The following PIGK variants were observed in gnomAD, a reference collection of about 807,000 sequenced individuals.
PIGK encodes GPI-anchor transamidase.
In PIGK, 42 loss-of-function variants were observed where a neutral mutation model predicts 50.6. That is an observed-to-expected ratio of 0.83 (90% CI 0.65 to 1.07). The LOEUF is 1.07. PIGK is among the 50% of genes least tolerant of loss of function. The pLI is 0.00. For synonymous variants in PIGK, 151 were observed against 156.0 expected (o/e 0.97, Z 0.24); for missense variants, 448 against 488.7 (o/e 0.92, Z 0.78).
chr1:77,188,211 G>C (rs945101794), intron 3 of PIGK, among the ~76,000 whole-genome samples: 1 of 152,160 alleles, frequency 6.6e-6, no homozygotes, highest in African/African-American at 2.4e-5. Flanking sequence ...GGGCAGAACA[G>C]AGCCATATTT....
chr1:77,157,196 A>T (rs1172740141), intron 8 of PIGK, among the ~76,000 whole-genome samples: 1 of 152,156 alleles, frequency 6.6e-6, no homozygotes, highest in Non-Finnish European at 1.5e-5. Flanking sequence ...ATACACATAT[A>T]CTCTAATAGA....
At chr1:77,211,281 A>G (rs567743151) in intron 1 of PIGK, among the ~76,000 whole-genome samples, 10 of 151,834 alleles carry the variant, frequency 6.6e-5, no homozygotes, top group African/African-American at 2.4e-4. Context: ...TAATGAATCC[A>G]TGGTCCAAAT....
chr1:77,165,619 C>G (rs1247729554), intron 5 of PIGK, among the ~76,000 whole-genome samples: 1 of 145,348 alleles, frequency 6.9e-6, no homozygotes, highest in Non-Finnish European at 1.5e-5. Flanking sequence ...AAAAAAAAAG[C>G]AAGAAATATA....
intron 9 of PIGK, among the ~76,000 whole-genome samples, chr1:77,152,820 A>G (rs1654922716): frequency 1.3e-5 from 2 of 151,932 alleles, no homozygotes; most frequent in African/African-American, 4.8e-5. Flanking sequence ...AAACTACAAG[A>G]TATCATCTCA....
At chr1:77,143,410 T>C (rs983795435) in intron 9 of PIGK, among the ~76,000 whole-genome samples, 3 of 152,044 alleles carry the variant, frequency 2.0e-5, no homozygotes, top group Non-Finnish European at 4.4e-5. Context: ...CCATCCTTTA[T>C]AAAAAATTTT....
chr1:77,216,623 ATG>A (rs1656572021), intron 1 of PIGK, among the ~76,000 whole-genome samples: 1 of 151,782 alleles, frequency 6.6e-6, no homozygotes, highest in South Asian at 2.1e-4. Context: ...TGTGTGTGGC[ATG>A]TGTGTGTGGG....
intron 5 of PIGK, among the ~76,000 whole-genome samples, chr1:77,166,515 G>T (rs961288877): frequency 1.3e-5 from 2 of 152,144 alleles, no homozygotes; most frequent in African/African-American, 2.4e-5. Context: ...AAAAAATATA[G>T]AGATAAGAAA....
At chr1:77,096,378 T>C (rs1653405369) in intron 10 of PIGK, among the ~76,000 whole-genome samples, 1 of 152,174 alleles carries the variant, frequency 6.6e-6, no homozygotes, top group Admixed American at 6.5e-5. Flanking sequence ...GTAGAATCTA[T>C]ATCCCTATCC....
chr1:77,105,134 G>C (rs1452311278), intron 10 of PIGK, among the ~76,000 whole-genome samples: 1 of 152,068 alleles, frequency 6.6e-6, no homozygotes, highest in African/African-American at 2.4e-5. Flanking sequence ...GCTCTCAGTG[G>C]ACAAGGGAGC....
At chr1:77,107,242 C>G (rs1398417646) in intron 10 of PIGK, among the ~76,000 whole-genome samples, 1 of 152,044 alleles carries the variant, frequency 6.6e-6, no homozygotes, top group Non-Finnish European at 1.5e-5. Flanking sequence ...ATAAATTTCC[C>G]TCTACACACT....
At chr1:77,093,763 T>C (rs1253720804) in intron 10 of PIGK, among the ~76,000 whole-genome samples, 1 of 152,108 alleles carries the variant, frequency 6.6e-6, no homozygotes, top group Non-Finnish European at 1.5e-5. Context: ...CTCATGTTAT[T>C]TTCCACTTAA....
intron 3 of PIGK, among the ~76,000 whole-genome samples, chr1:77,186,896 T>G (rs964058119): frequency 3.3e-5 from 5 of 152,146 alleles, no homozygotes; most frequent in South Asian, 2.1e-4. Flanking sequence ...GGCAGGTTGA[T>G]TATATTGAAC....
intron 1 of PIGK, among the ~76,000 whole-genome samples, chr1:77,216,519 C>T (rs1656568872): frequency 1.3e-5 from 2 of 152,126 alleles, no homozygotes; most frequent in South Asian, 4.1e-4. Flanking sequence ...TAGTATTTCA[C>T]ATTAAATGAA....
chr1:77,136,705 C>G (rs557478604), intron 9 of PIGK, among the ~76,000 whole-genome samples: 158 of 152,206 alleles, frequency 1.0e-3, no homozygotes, highest in Admixed American at 9.4e-3. Context: ...ATTTGTTGAA[C>G]TACCTTCAAA....
intron 9 of PIGK, among the ~76,000 whole-genome samples, chr1:77,135,362 A>G (rs1381117255): frequency 6.6e-6 from 1 of 152,000 alleles, no homozygotes; most frequent in African/African-American, 2.4e-5. Context: ...TAATAATGTT[A>G]TATGTTATAT....
chr1:77,194,905 G>A (rs1028120303), intron 3 of PIGK: 1 of 497,364 alleles, frequency 2.0e-6, no homozygotes, highest in Non-Finnish European at 3.9e-6. Flanking sequence ...GAACCAGGTG[G>A]TCAAATGGAT....
At chr1:77,182,139 G>A (rs1655629380) in intron 3 of PIGK, among the ~76,000 whole-genome samples, 1 of 152,222 alleles carries the variant, frequency 6.6e-6, no homozygotes, top group Non-Finnish European at 1.5e-5. Flanking sequence ...CAAATTACAT[G>A]AGGGTAGAGC....
intron 3 of PIGK, among the ~76,000 whole-genome samples, chr1:77,181,285 G>A (rs987840031): frequency 1.3e-5 from 2 of 151,982 alleles, no homozygotes; most frequent in Non-Finnish European, 2.9e-5. Flanking sequence ...AGCCCAATCA[G>A]GAACTAGTGA....
At chr1:77,158,522 G>A (rs1049574894) in intron 8 of PIGK, among the ~76,000 whole-genome samples, 3 of 152,066 alleles carry the variant, frequency 2.0e-5, no homozygotes, top group South Asian at 2.1e-4. Flanking sequence ...AGGAAGATGC[G>A]AAAAAGTCTG....
Sources: allele counts gnomAD v4.1 joint callset (sites outside exome capture counted in the v4.1 genomes callset), GRCh38; gene constraint gnomAD v4.1.1; transcripts MANE v1.5; gene names NCBI Gene and HGNC (gene_info 2026-07-23, HGNC 2026-07-21).